The following CYBRD1 variants were observed in gnomAD, a reference collection of about 807,000 sequenced individuals.
CYBRD1 encodes the protein cytochrome b reductase 1.
In CYBRD1, 14 loss-of-function variants were observed where a neutral mutation model predicts 21.9. That is an observed-to-expected ratio of 0.64 (90% CI 0.42 to 1.00). The LOEUF is 1.00. Among genes scored for constraint, CYBRD1 ranks in the 50% least tolerant of loss-of-function variants. The probability of loss-of-function intolerance (pLI) is 0.00; values close to 1 mark genes in which losing one functional copy is unlikely to be tolerated. For missense variants in CYBRD1, 328 were observed against 352.5 expected, an observed-to-expected ratio of 0.93 and a Z score of 0.56; for synonymous variants, 146 against 136.5, an observed-to-expected ratio of 1.07 and a Z score of -0.48.
chr2:171,553,967 G>C (rs1194529448), intron 3 of CYBRD1, among the ~76,000 whole-genome samples: 3 of 152,192 alleles, frequency 2.0e-5, no homozygotes, highest in African/African-American at 7.2e-5. Context: ...CACAGGGCGG[G>C]AGTGGCCTGA....
intron 1 of CYBRD1, among the ~76,000 whole-genome samples, chr2:171,539,300 A>ATGATG (rs1426137364): frequency 6.6e-6 from 1 of 152,050 alleles, no homozygotes; most frequent in Non-Finnish European, 1.5e-5. Context: ...CCTGGGCAAC[A>ATGATG]TGATGGAATC....
At chr2:171,522,281 C>T (rs1268734519), upstream of CYBRD1, 4 of 1,548,462 alleles carry the variant, frequency 2.6e-6, no homozygotes, top group Non-Finnish European at 2.6e-6. The surrounding 1 kb of genome is among the most constrained non-coding windows in gnomAD (Gnocchi z 4.3). Flanking sequence ...GGATGCTGGA[C>T]GAGGGAGAGG....
chr2:171,549,048 G>C (rs1035105006), intron 2 of CYBRD1, among the ~76,000 whole-genome samples: 6 of 152,112 alleles, frequency 3.9e-5, no homozygotes, highest in African/African-American at 1.4e-4. Flanking sequence ...AAATGCCCAG[G>C]CATTTAAGAT....
At chr2:171,546,556 G>A (rs896473952) in intron 2 of CYBRD1, among the ~76,000 whole-genome samples, 15 of 152,152 alleles carry the variant, frequency 9.9e-5, no homozygotes, top group Admixed American at 4.6e-4. Flanking sequence ...CCGAATACCC[G>A]TTATATGCCA....
chr2:171,546,131 G>T (rs1020346575), intron 2 of CYBRD1, among the ~76,000 whole-genome samples: 3 of 152,146 alleles, frequency 2.0e-5, no homozygotes, highest in Admixed American at 1.3e-4. Context: ...TTGGCACCTG[G>T]CTTCTTCCTT....
intron 1 of CYBRD1, among the ~76,000 whole-genome samples, chr2:171,532,033 C>A (rs796886816): frequency 6.6e-6 from 1 of 152,180 alleles, no homozygotes. Context: ...TCATGACATT[C>A]GTGCTGTGAG....
At chr2:171,548,239 G>C (rs1286485418) in intron 2 of CYBRD1, among the ~76,000 whole-genome samples, 1 of 152,076 alleles carries the variant, frequency 6.6e-6, no homozygotes, top group African/African-American at 2.4e-5. Context: ...GCATCACTAG[G>C]GAAATTAGAA....
chr2:171,529,720 G>T (rs924755785), intron 1 of CYBRD1, among the ~76,000 whole-genome samples: 1 of 151,860 alleles, frequency 6.6e-6, no homozygotes, highest in Non-Finnish European at 1.5e-5. Flanking sequence ...TCAGGTAACA[G>T]CTCAGGCACC....
chr2:171,530,953 A>G (rs960033075), intron 1 of CYBRD1, among the ~76,000 whole-genome samples: 1 of 152,002 alleles, frequency 6.6e-6, no homozygotes, highest in Non-Finnish European at 1.5e-5. Context: ...AAGTAGGGAG[A>G]CAAGCCTGGG....
intron 1 of CYBRD1, among the ~76,000 whole-genome samples, chr2:171,535,057 T>TAAATA (rs1409867015): frequency 6.6e-6 from 1 of 151,950 alleles, no homozygotes; most frequent in Non-Finnish European, 1.5e-5. Context: ...GATGAATGAA[T>TAAATA]AAATAAAAAT....
At chr2:171,553,280 TA>T (rs143524630) in intron 2 of CYBRD1, 65 bp from the exon 3 acceptor site, 213,103 of 1,569,036 alleles carry the variant, frequency 0.14, 15,348 homozygotes, top group South Asian at 0.14. Flanking sequence ...TATTGCTTTT[TA>T]AATAATTTAA....
rs553321272 is a variant in CYBRD1, at chr2:171,522,753, T to TG, written c.193+22dup. 4.1e-4 allele frequency: 656 copies of TG among 1,612,330 alleles called. No homozygotes were observed. In the African/African-American group the frequency reaches 6.8e-3, roughly 17 times the overall value. On this transcript the variant is annotated intron_variant, in intron 1 of 3. Coordinates refer to ENST00000321348, the MANE Select transcript of CYBRD1 (RefSeq NM_024843.4). This position sits in a 1 kb window ranked among gnomAD's most constrained non-coding sequence, Gnocchi z 4.3. Reference sequence around the variant, plus strand: ...CCAGGGCATCGGTACTGGCACCTCCTGGGGGGGTGCGGGGAGGAAAGCGGG... The same window carrying TG: ...CCAGGGCATCGGTACTGGCACCTCCTGGGGGGGGTGCGGGGAGGAAAGCGGG...
chr2:171,546,314 A>C (rs1214530570), intron 2 of CYBRD1, among the ~76,000 whole-genome samples: 1 of 152,202 alleles, frequency 6.6e-6, no homozygotes, highest in Non-Finnish European at 1.5e-5. Context: ...CAAAATCATA[A>C]GAATCAAAGC....
Position 171,556,359 on chromosome 2 carries a change from G to A in CYBRD1, c.*1532G>A, listed in dbSNP as rs1340709181. ...TCTCAGTAGTGAATTGAGACTTGGA[G>A]GTGACTTTTCATGTTTGGAGTATCA... On this transcript the variant is annotated 3_prime_UTR_variant, in exon 4 of 4. Transcript: ENST00000321348. The A allele has an allele frequency of 1.3e-5, 2 of 152,160 alleles. No homozygotes were observed. Among genetic ancestry groups the A allele is most frequent in the East Asian group, 1.9e-4 (1 of 5,194 alleles). 9.4% of individuals were successfully genotyped at this position (152,160 alleles called of 1,614,324 possible).
chr2:171,541,508 A>G (rs1697630440), intron 1 of CYBRD1, 77 bp from the exon 2 acceptor site: 2 of 1,389,212 alleles, frequency 1.4e-6, no homozygotes, highest in Non-Finnish European at 2.0e-6. Context: ...GGGAGTGTCC[A>G]GTGTGTCAAA....
rs10618404 is a variant in CYBRD1 at position 171,532,875 on chromosome 2, ATGTGTGTG to A, written c.194-8680_194-8673del. Among the ~76,000 whole-genome samples, 271 of 147,382 alleles carry A rather than the reference ATGTGTGTG, an allele frequency of 1.8e-3. 2 individuals are homozygous for A. Among genetic ancestry groups the A allele is most frequent in the African/African-American group, 5.1e-3 (204 of 40,054 alleles). On this transcript the variant is annotated intron_variant, in intron 1 of 3. Coordinates refer to ENST00000321348, the MANE Select transcript of CYBRD1 (RefSeq NM_024843.4). ...ATTAGCTTGATTTAACCATTTCACG[ATGTGTGTG>A]TGTGTGTGTGTGTGTGTGTGTGTGT...
At chr2:171,536,597 C>G (rs971951953) in intron 1 of CYBRD1, among the ~76,000 whole-genome samples, 1 of 152,058 alleles carries the variant, frequency 6.6e-6, no homozygotes, top group South Asian at 2.1e-4. Context: ...TGAGCCACCA[C>G]GCCCAGCCTG....
intron 1 of CYBRD1, among the ~76,000 whole-genome samples, chr2:171,539,013 G>T (rs1345277886): frequency 6.6e-6 from 1 of 152,042 alleles, no homozygotes; most frequent in African/African-American, 2.4e-5. Context: ...GGCCAGGCTT[G>T]TCTCGAACTC....
chr2:171,526,454 C>T (rs1343752308), intron 1 of CYBRD1, among the ~76,000 whole-genome samples: 2 of 151,460 alleles, frequency 1.3e-5, no homozygotes, highest in African/African-American at 4.9e-5. Flanking sequence ...CCTCTCTCTC[C>T]CCACCTCCCA....
Sources: gnomAD v4.1 joint callset for allele counts (sites outside exome capture counted in the v4.1 genomes callset) on GRCh38, gnomAD v4.1.1 for gene constraint, Gnocchi (gnomAD v3.1) non-coding constraint, MANE v1.5 for transcripts, NCBI Gene and HGNC (gene_info 2026-07-23, HGNC 2026-07-21) for gene names.